The following CDH12 variants were observed in gnomAD, a reference collection of about 807,000 sequenced individuals.
CDH12 encodes the protein cadherin-12.
CDH12 carries 41 observed loss-of-function variants against 74.1 expected under a neutral mutation model. The observed-to-expected ratio is 0.55, with a 90% confidence interval of 0.43 to 0.72. The LOEUF (loss-of-function observed/expected upper bound fraction) is 0.72. Ranked by LOEUF, CDH12 falls within the 30% of genes least tolerant of loss-of-function variation. The pLI, the probability that CDH12 is intolerant of heterozygous loss-of-function variation, is 0.00. For missense variants in CDH12, 945 were observed against 977.2 expected (o/e 0.97, Z 0.44); for synonymous variants, 399 against 355.0 (o/e 1.12, Z -1.39).
At chr5:22,195,635 A>G (rs1437331449) in intron 4 of CDH12, among the ~76,000 whole-genome samples, 1 of 152,206 alleles carries the variant, frequency 6.6e-6, no homozygotes, top group Non-Finnish European at 1.5e-5. Context: ...TCTCAATACA[A>G]TGAATAAGAA....
intron 8 of CDH12, among the ~76,000 whole-genome samples, chr5:21,841,359 C>T (rs1348673487): frequency 6.6e-6 from 1 of 152,082 alleles, no homozygotes; most frequent in Admixed American, 6.5e-5. Flanking sequence ...CAGGAAACAA[C>T]AGGTGCTGGA....
At position 21,817,022 on chromosome 5, in the gene CDH12, C is replaced by A. The variant is rs1476186995; in HGVS notation, c.925G>T (p.Val309Phe). Residue 309 changes from valine (V) to phenylalanine (F), a missense_variant, in exon 9 of 15, where the codon GTT becomes TTT. Val to Phe is a conservative substitution (Grantham distance 50). Around this residue, in one of 3 missense-constraint regions of CDH12, gnomAD observed 791 missense variants for 792.8 expected, o/e 1.00. Coordinates refer to ENST00000382254, the MANE Select transcript of CDH12 (RefSeq NM_004061.5). ...AACAAATTTCCCCCATCTCCTGGAA[C>A]AATATTGTATTCAATTTCTGCATTT... ...GQNAEIEYNI[V>F]PGDGGNLFDI... 1.2e-6 allele frequency: 2 copies of A among 1,612,540 alleles called. No homozygotes were observed. Among genetic ancestry groups the A allele is most frequent in the East Asian group, 2.2e-5 (1 of 44,760 alleles).
chr5:22,649,153 T>G (rs1168186575), intron 1 of CDH12, among the ~76,000 whole-genome samples: 2 of 151,972 alleles, frequency 1.3e-5, no homozygotes, highest in East Asian at 3.9e-4. Context: ...ATGTGAAGTC[T>G]CTGTAATAAA....
intron 4 of CDH12, among the ~76,000 whole-genome samples, chr5:22,115,794 C>T (rs1167399287): frequency 4.1e-5 from 6 of 147,412 alleles, no homozygotes; most frequent in Non-Finnish European, 7.4e-5. Context: ...CGGGTTCAAG[C>T]GATTCTTCTG....
chr5:22,150,493 T>A (rs1580326351), intron 4 of CDH12, among the ~76,000 whole-genome samples: 1 of 149,322 alleles, frequency 6.7e-6, no homozygotes, highest in Non-Finnish European at 1.5e-5. Context: ...AACACTTATG[T>A]ATATGTAGAA....
At chr5:22,308,773 T>G (rs1296688606) in intron 3 of CDH12, among the ~76,000 whole-genome samples, 2 of 150,714 alleles carry the variant, frequency 1.3e-5, no homozygotes, top group Admixed American at 6.6e-5. Context: ...AGGATATTAT[T>G]CAGCCTACAA....
In CDH12 at chr5:22,044,054, C is replaced by T. The variant is rs572037156; in HGVS notation, c.231+34392G>A. ...TTCAATGTAGTCACTATGGAAATAG[C>T]AAAAATATCCTTCAAAGACATAGAA... On this transcript the variant is annotated intron_variant, in intron 5 of 14. Transcript: ENST00000382254. Among the ~76,000 whole-genome samples, 9 of 152,090 alleles carry T rather than the reference C, an allele frequency of 5.9e-5. No homozygotes were observed. In the South Asian group the frequency reaches 1.9e-3, roughly 32 times the overall value.
At chr5:22,377,407 G>A (rs1300479104) in intron 3 of CDH12, among the ~76,000 whole-genome samples, 1 of 152,126 alleles carries the variant, frequency 6.6e-6, no homozygotes, top group Non-Finnish European at 1.5e-5. Context: ...AACAGTGCCA[G>A]CTTTACTCTA....
intron 1 of CDH12, among the ~76,000 whole-genome samples, chr5:22,758,869 C>T (rs574940500): frequency 6.6e-6 from 1 of 152,274 alleles, no homozygotes; most frequent in Admixed American, 6.5e-5. Context: ...CAGGCAATCA[C>T]TAATTTTTGA....
At chr5:22,355,424 T>A (rs2150468105) in intron 3 of CDH12, among the ~76,000 whole-genome samples, 1 of 151,912 alleles carries the variant, frequency 6.6e-6, no homozygotes, top group African/African-American at 2.4e-5. Flanking sequence ...ATTGGCTAAG[T>A]TGTTGAGTCC....
chr5:22,320,143 C>T lies in CDH12; in HGVS notation c.-333+85114G>A, dbSNP rs540663391. 4.3e-4 allele frequency among the ~76,000 whole-genome samples: 65 copies of T among 152,080 alleles called. 1 individual carries two copies. The highest frequency in any genetic ancestry group is 8.2e-4 in the Non-Finnish European group (56 of 67,982). ...CCCATCACCAGTTTTTGACTTGTGT[C>T]CTGAGAAGGTGGAAAAATCAGAAAA... On this transcript the variant is annotated intron_variant, in intron 3 of 14. Transcript: ENST00000382254.
rs115227793 is a variant in CDH12, at chr5:21,861,572, C to A, written c.527-6782G>T. ...TTATTCATTAAATATATTGAACAGG[C>A]ATTTTATAAAAGCACATAAAAATCC... On this transcript the variant is annotated intron_variant, in intron 6 of 14. Transcript: ENST00000382254. Among the ~76,000 whole-genome samples the A allele has an allele frequency of 1.3e-3, 197 of 152,130 alleles. 2 individuals are homozygous for A. The highest frequency in any genetic ancestry group is 4.6e-3 in the African/African-American group (192 of 41,546).
intron 1 of CDH12, among the ~76,000 whole-genome samples, chr5:22,840,419 A>G (rs1017192579): frequency 2.6e-5 from 4 of 152,092 alleles, no homozygotes; most frequent in African/African-American, 7.2e-5. Context: ...GAATGCATGC[A>G]TACTCATGCT....
chr5:22,188,200 G>A (rs1445695073), intron 4 of CDH12, among the ~76,000 whole-genome samples: 1 of 152,022 alleles, frequency 6.6e-6, no homozygotes, highest in Non-Finnish European at 1.5e-5. Context: ...ACTCTCACAA[G>A]ACTGGATTAC....
chr5:22,468,535 C>T (rs1350469907), intron 2 of CDH12, among the ~76,000 whole-genome samples: 1 of 152,078 alleles, frequency 6.6e-6, no homozygotes, highest in African/African-American at 2.4e-5. Flanking sequence ...AAATGATATA[C>T]CAGTCCCCTT....
chr5:22,244,937 C>T (rs1490577547), intron 3 of CDH12, among the ~76,000 whole-genome samples: 3 of 151,950 alleles, frequency 2.0e-5, no homozygotes, highest in East Asian at 2.0e-4. Context: ...GGACAAACTA[C>T]GCAGGTATCT....
chr5:21,963,332 G>A (rs1756445291), intron 6 of CDH12, among the ~76,000 whole-genome samples: 1 of 151,976 alleles, frequency 6.6e-6, no homozygotes, highest in Non-Finnish European at 1.5e-5. Flanking sequence ...TAAATTAAGA[G>A]CTTCTGCATA....
chr5:22,597,608 G>A (rs913297078), intron 1 of CDH12, among the ~76,000 whole-genome samples: 3 of 152,076 alleles, frequency 2.0e-5, no homozygotes, highest in African/African-American at 4.8e-5. Flanking sequence ...TTCCTAATCT[G>A]TTTGTTTCAC....
chr5:22,060,038 G>A (rs1741078296), intron 5 of CDH12, among the ~76,000 whole-genome samples: 2 of 152,050 alleles, frequency 1.3e-5, no homozygotes, highest in African/African-American at 4.8e-5. Flanking sequence ...GAATGGACTT[G>A]GGACATTTAT....
Sources: gnomAD v4.1 joint callset for allele counts (sites outside exome capture counted in the v4.1 genomes callset) on GRCh38, gnomAD v4.1.1 for gene constraint, gnomAD v4.1.1 regional missense constraint, MANE v1.5 for transcripts, NCBI Gene and HGNC (gene_info 2026-07-23, HGNC 2026-07-21) for gene names.